RGS7: variants seen among roughly 807,000 people sequenced by gnomAD.
The protein encoded by RGS7 is regulator of G protein signaling 7.
RGS7 carries 27 observed loss-of-function variants against 81.1 expected under a neutral mutation model. That is an observed-to-expected ratio of 0.33 (90% CI 0.25 to 0.46). The LOEUF (loss-of-function observed/expected upper bound fraction) is 0.46, where lower values mean the gene tolerates loss of function less well. RGS7 is among the 20% of genes least tolerant of loss of function. The probability of loss-of-function intolerance (pLI) is 1.00; values close to 1 mark genes in which losing one functional copy is unlikely to be tolerated. For synonymous variants in RGS7, 208 were observed against 207.7 expected (o/e 1.00, Z -0.01); for missense variants, 396 against 607.4 (o/e 0.65, Z 3.66).
At chr1:241,019,442 G>A (rs1414020386) in intron 3 of RGS7, among the ~76,000 whole-genome samples, 1 of 151,942 alleles carries the variant, frequency 6.6e-6, no homozygotes, top group African/African-American at 2.4e-5. Context: ...GTGCCATGTT[G>A]GTTTGCTGCA....
chr1:241,293,434 A>G (rs2079201324), intron 2 of RGS7, among the ~76,000 whole-genome samples: 1 of 152,186 alleles, frequency 6.6e-6, no homozygotes, highest in South Asian at 2.1e-4. Context: ...GAGGTATTCC[A>G]GAAGGCATTG....
chr1:241,106,721 A>AC (rs1280571597), intron 2 of RGS7, among the ~76,000 whole-genome samples: 8 of 127,582 alleles, frequency 6.3e-5, no homozygotes, highest in African/African-American at 2.6e-4. Context: ...GTCTCCAAAA[A>AC]AAAAAAAAAA....
chr1:241,188,637 C>A (rs2072337615), intron 2 of RGS7, among the ~76,000 whole-genome samples: 1 of 152,020 alleles, frequency 6.6e-6, no homozygotes, highest in Admixed American at 6.6e-5. Flanking sequence ...TAAACCACGA[C>A]AGAAACAAAT....
rs577148222 is a variant in RGS7, at chr1:241,034,843, G to T, written c.176-51714C>A. ...AATGGGAAATTTACAACCAGCACAA[G>T]GATGAATCAGTTGATGAATATCACA... On this transcript the variant is annotated intron_variant, in intron 3 of 18. Transcript: ENST00000440928. Among the ~76,000 whole-genome samples, 3 of 152,252 alleles carry T rather than the reference G, an allele frequency of 2.0e-5. No homozygotes were observed. In the South Asian group the frequency reaches 6.2e-4, roughly 32 times the overall value.
chr1:240,823,261 C>A, intron 10 of RGS7: 1 of 659,422 alleles, frequency 1.5e-6, no homozygotes, highest in Non-Finnish European at 2.8e-6. Context: ...CACCTAAAGG[C>A]CATCTCCACT....
At chr1:240,952,976 A>T (rs1165398468) in intron 4 of RGS7, among the ~76,000 whole-genome samples, 1 of 151,982 alleles carries the variant, frequency 6.6e-6, no homozygotes, top group Admixed American at 6.5e-5. Context: ...ATCTAAAGAG[A>T]TCAATTCTTC....
Position 240,793,586 on chromosome 1 carries a change from A to AATATAT in RGS7, c.*6+7049_*6+7054dup, listed in dbSNP as rs777839011. The stretch of plus-strand genomic sequence containing the variant: ...TTATTTTCACTGAAGGTGTAGTAGG[A>AATATAT]ATATATATATATATATATATATATA... On this transcript the variant is annotated intron_variant, in intron 18 of 18. Transcript: ENST00000440928. Among the ~76,000 whole-genome samples, 254 of 102,292 alleles carry AATATAT rather than the reference A, an allele frequency of 2.5e-3. 20 individuals carry two copies. Among genetic ancestry groups the AATATAT allele is most frequent in the African/African-American group, 0.014 (230 of 16,010 alleles). 67.1% of individuals were successfully genotyped at this position (102,292 alleles called of 152,430 possible). A position where few individuals can be genotyped will look rare whatever the true frequency, so the allele number is the denominator to read the frequency against.
chr1:241,173,294 T>C (rs1219840796), intron 2 of RGS7, among the ~76,000 whole-genome samples: 3 of 152,230 alleles, frequency 2.0e-5, no homozygotes, highest in Non-Finnish European at 4.4e-5. Context: ...TTGTACTTTC[T>C]TTTCCTATAC....
At chr1:240,877,840 C>CAGAT (rs1665706434) in intron 6 of RGS7, among the ~76,000 whole-genome samples, 1 of 152,130 alleles carries the variant, frequency 6.6e-6, no homozygotes, top group Non-Finnish European at 1.5e-5. Context: ...ATCTTTATAA[C>CAGAT]CAAATTTCAG....
intron 2 of RGS7, among the ~76,000 whole-genome samples, chr1:241,151,084 C>G (rs906204965): frequency 6.6e-6 from 1 of 152,160 alleles, no homozygotes; most frequent in African/African-American, 2.4e-5. Flanking sequence ...CTGTCAACAT[C>G]AGGGTGGATC....
chr1:241,322,456 G>C (rs192045849), intron 2 of RGS7, among the ~76,000 whole-genome samples: 2 of 152,312 alleles, frequency 1.3e-5, no homozygotes, highest in Admixed American at 1.3e-4. Context: ...GTTTTAGCCA[G>C]TTAATCTCTA....
intron 3 of RGS7, among the ~76,000 whole-genome samples, chr1:241,090,915 C>T (rs1302623466): frequency 6.6e-6 from 1 of 152,124 alleles, no homozygotes; most frequent in African/African-American, 2.4e-5. Context: ...AGAATCCTAC[C>T]AATTCTGACA....
intron 17 of RGS7, 71 bp from the exon 18 acceptor site, chr1:240,800,792 C>T: frequency 1.2e-6 from 1 of 804,268 alleles, no homozygotes; most frequent in Non-Finnish European, 2.0e-6. Context: ...AAGGCACTGG[C>T]ACAATACAAA....
chr1:241,065,276 T>G (rs2061996664), intron 3 of RGS7, among the ~76,000 whole-genome samples: 1 of 149,964 alleles, frequency 6.7e-6, no homozygotes, highest in Admixed American at 6.7e-5. Flanking sequence ...AATAGAGATA[T>G]TACAGATATA....
At chr1:241,068,474 C>A (rs75298137) in intron 3 of RGS7, among the ~76,000 whole-genome samples, 3,820 of 151,610 alleles carry the variant, frequency 0.025, 142 homozygotes, top group African/African-American at 0.075. Context: ...TACCTATATT[C>A]ACTCATTTAA....
chr1:240,926,235 G>T (rs993661918), intron 6 of RGS7, among the ~76,000 whole-genome samples: 1 of 152,062 alleles, frequency 6.6e-6, no homozygotes, highest in Non-Finnish European at 1.5e-5. Flanking sequence ...TGTCCAGAAT[G>T]GTATATCCTA....
chr1:241,270,761 C>T (rs4660053), intron 2 of RGS7, among the ~76,000 whole-genome samples: 123,358 of 148,936 alleles, frequency 0.83, 51,345 homozygotes, highest in East Asian at 0.99. Flanking sequence ...ACCCCCCCCC[C>T]TTTTTTTTTT....
intron 2 of RGS7, among the ~76,000 whole-genome samples, chr1:241,122,790 A>G (rs1018765741): frequency 5.3e-5 from 8 of 152,138 alleles, no homozygotes; most frequent in African/African-American, 1.7e-4. Flanking sequence ...GACAAAGCCT[A>G]TTTTATAATA....
chr1:240,803,667 C>CA (rs58638602), intron 15 of RGS7, among the ~76,000 whole-genome samples: 6,419 of 132,304 alleles, frequency 0.049, 149 homozygotes, highest in East Asian at 0.11. Flanking sequence ...ATAGACAAGT[C>CA]AAAAAAAAAA....
Sources: allele counts gnomAD v4.1 joint callset (sites outside exome capture counted in the v4.1 genomes callset), GRCh38; gene constraint gnomAD v4.1.1; transcripts MANE v1.5; gene names NCBI Gene and HGNC (gene_info 2026-07-23, HGNC 2026-07-21).